NUP210: variants seen among roughly 807,000 people sequenced by gnomAD.
NUP210 encodes the protein nuclear pore membrane glycoprotein 210.
In NUP210, 151 loss-of-function variants were observed where a neutral mutation model predicts 196.0. The observed-to-expected ratio is 0.77, with a 90% CI of 0.67 to 0.88. The LOEUF is 0.88. Among genes scored for constraint, NUP210 ranks in the 40% least tolerant of loss-of-function variants. The pLI is 0.00. For synonymous variants in NUP210, 1,070 were observed against 1,052.7 expected (o/e 1.02, Z -0.32); for missense variants, 2,314 against 2,493.7 (o/e 0.93, Z 1.53).
At chr3:13,400,802 G>C (rs1487801438) in intron 1 of NUP210, among the ~76,000 whole-genome samples, 1 of 152,184 alleles carries the variant, frequency 6.6e-6, no homozygotes, top group Non-Finnish European at 1.5e-5. Context: ...ACTAAGCCGT[G>C]CCTGGCGCTT....
rs1326135230 is a variant in NUP210, at chr3:13,335,468, C to G, written c.3829G>C (p.Glu1277Gln). ...CTGCCTCCTACCTGGACTTGGATCTCATCCGAGAGTTCTCTGGCCAGGCCA... is the reference window on the plus strand; with the variant it reads ...CTGCCTCCTACCTGGACTTGGATCTGATCCGAGAGTTCTCTGGCCAGGCCA... ...LYGLARELSD[E>Q]IQVQVFEKLQ... Residue 1277 changes from glutamate (E) to glutamine (Q), a missense_variant, in exon 28 of 40, where the codon GAG (glutamate) becomes CAG (glutamine). By Grantham distance (29) the Glu-to-Gln change is conservative. Coordinates refer to ENST00000254508, the MANE Select transcript of NUP210 (RefSeq NM_024923.4). The G allele has an allele frequency of 1.9e-6, 3 of 1,613,414 alleles. No homozygotes were observed. The African/African-American group carries it at 4.0e-5, about 22-fold the overall frequency.
intron 13 of NUP210, 41 bp from the exon 14 acceptor site, chr3:13,366,132 T>A: frequency 1.9e-6 from 3 of 1,587,836 alleles, no homozygotes; most frequent in Non-Finnish European, 8.6e-7. Flanking sequence ...CTGAAATCAC[T>A]TTTTTCTTTT....
In NUP210 at chr3:13,397,395, G is replaced by A. The variant is rs756427105; in HGVS notation, c.398C>T (p.Ser133Phe). Residue 133 changes from serine (S) to phenylalanine (F), a missense_variant, in exon 3 of 40, where the codon TCC (serine) becomes TTC (phenylalanine). Ser to Phe is a radical substitution (Grantham distance 155). Coordinates refer to ENST00000254508, the MANE Select transcript of NUP210 (RefSeq NM_024923.4). ...GGCCTGGATCTTCAGCTCCAGGGGG[G>A]AGTCCTCCAGGTAGAGCTCGCGGGT... ...STTRELYLED[S>F]PLELKIQALD... is the part of the protein sequence containing the mutation. 8.7e-6 allele frequency: 14 copies of A among 1,612,136 alleles called. No individual in the cohort carries two copies. Among genetic ancestry groups the A allele is most frequent in the Non-Finnish European group, 1.2e-5 (14 of 1,179,324 alleles).
At chr3:13,403,102 C>T (rs867205203) in intron 1 of NUP210, among the ~76,000 whole-genome samples, 17 of 152,278 alleles carry the variant, frequency 1.1e-4, no homozygotes, top group Admixed American at 1.3e-4. Flanking sequence ...TAAGAAAATA[C>T]GTGATTTACC....
intron 12 of NUP210, among the ~76,000 whole-genome samples, chr3:13,372,937 C>T (rs528180479): frequency 5.2e-4 from 79 of 152,278 alleles, no homozygotes; most frequent in African/African-American, 1.8e-3. Flanking sequence ...TTTATCCCAA[C>T]GCTGGACCTC....
chr3:13,357,891 C>T (rs1418747183), intron 16 of NUP210, among the ~76,000 whole-genome samples: 1 of 152,174 alleles, frequency 6.6e-6, no homozygotes, highest in Non-Finnish European at 1.5e-5. Flanking sequence ...CATTTTAACA[C>T]CCTCAAGGCA....
At chr3:13,381,309 G>A (rs976772583) in intron 6 of NUP210, among the ~76,000 whole-genome samples, 22 of 152,192 alleles carry the variant, frequency 1.4e-4, no homozygotes, top group African/African-American at 5.3e-4. Context: ...ACATTGAAGG[G>A]GACTTACATA....
intron 1 of NUP210, among the ~76,000 whole-genome samples, chr3:13,404,526 A>T (rs956394302): frequency 6.6e-6 from 1 of 152,216 alleles, no homozygotes; most frequent in Non-Finnish European, 1.5e-5. Context: ...CTTCCCCCTA[A>T]TGTTAGTTGT....
At chr3:13,343,339 T>TGGGGGGGG in intron 20 of NUP210, 36 bp from the exon 21 acceptor site, 5 of 282,482 alleles carry the variant, frequency 1.8e-5, no homozygotes, top group African/African-American at 7.1e-5. Context: ...GGGTGGGTGG[T>TGGGGGGGG]GGGTTACGCA....
rs925952285 is a variant in NUP210 at position 13,371,890 on chromosome 3, G to T, written c.1730C>A (p.Ser577Tyr). Residue 577 changes from serine (S) to tyrosine (Y), a missense_variant, in exon 13 of 40, where the codon TCC becomes TAC. Physicochemically the swap from Ser to Tyr is moderately radical, Grantham distance 144. Transcript: ENST00000254508. ...CACCTCGACAGCCAAGTCAAAGTGG[G>T]AGCAGTCGCTCAAGGTGACCACCTC... ...ASEVVTLSDC[S>Y]HFDLAVEVEN... 8.7e-6 allele frequency: 14 copies of T among 1,610,464 alleles called. No individual in the cohort carries two copies. Among genetic ancestry groups the T allele is most frequent in the Admixed American group, 1.7e-5 (1 of 59,640 alleles).
chr3:13,334,629 C>T lies in NUP210; in HGVS notation c.3843+825G>A, dbSNP rs575349957. ...AAGGAACACTTTTTGTTTTTCTTTA[C>T]AGCTTAGGAGCACCCAGGGGTTACT... On this transcript the variant is annotated intron_variant, in intron 28 of 39. Coordinates refer to ENST00000254508, the MANE Select transcript of NUP210 (RefSeq NM_024923.4). 3.3e-4 allele frequency among the ~76,000 whole-genome samples: 50 copies of T among 152,288 alleles called. 1 individual carries two copies. The South Asian group carries it at 9.9e-3, about 30-fold the overall frequency.
At position 13,379,584 on chromosome 3, in the gene NUP210, T is replaced by C. The variant is rs755035705; in HGVS notation, c.955A>G (p.Ser319Gly). 1 of 1,614,170 alleles carries C rather than the reference T, an allele frequency of 6.2e-7. No individual in the cohort carries two copies. Among genetic ancestry groups the C allele is most frequent in the South Asian group, 1.1e-5 (1 of 91,086 alleles). ...MVTALQLGQS[S>G]LVLGHRSIRM... Reference sequence around the variant, plus strand: ...ATATTCCTGTGGCCAAGGACGAGGCTGCTCTGTCCCAGCTGCAGTGCAGTG... The same window carrying C: ...ATATTCCTGTGGCCAAGGACGAGGCCGCTCTGTCCCAGCTGCAGTGCAGTG... Residue 319 changes from serine (S) to glycine (G), a missense_variant, in exon 7 of 40, where the codon AGC (serine) becomes GGC (glycine). Ser to Gly is a moderately conservative substitution (Grantham distance 56). Coordinates refer to ENST00000254508, the MANE Select transcript of NUP210 (RefSeq NM_024923.4). The surrounding 1 kb of genome is among the most constrained non-coding windows in gnomAD (Gnocchi z 4.2).
At chr3:13,412,920 G>C (rs1173359462) in intron 1 of NUP210, among the ~76,000 whole-genome samples, 1 of 151,384 alleles carries the variant, frequency 6.6e-6, no homozygotes, top group Non-Finnish European at 1.5e-5. Flanking sequence ...GCAGTGAGCC[G>C]AGATCAGGCC....
At chr3:13,342,868 G>A (rs966115035) in intron 21 of NUP210, among the ~76,000 whole-genome samples, 14 of 152,192 alleles carry the variant, frequency 9.2e-5, no homozygotes, top group African/African-American at 2.7e-4. Context: ...CATGTGCCTC[G>A]TTGGTTAATA....
chr3:13,390,985 T>G (rs1699470440), intron 4 of NUP210, among the ~76,000 whole-genome samples: 1 of 152,210 alleles, frequency 6.6e-6, no homozygotes, highest in Admixed American at 6.5e-5. Context: ...CTCTGACAGC[T>G]TCTCACAGGA....
At chr3:13,320,973 G>A (rs942963596) in intron 36 of NUP210, among the ~76,000 whole-genome samples, 3 of 151,508 alleles carry the variant, frequency 2.0e-5, no homozygotes, top group Non-Finnish European at 2.9e-5. Context: ...CTCTGCTCAC[G>A]CCGCCAGCGG....
chr3:13,326,145 C>T (rs1364240265), intron 32 of NUP210, among the ~76,000 whole-genome samples: 1 of 152,266 alleles, frequency 6.6e-6, no homozygotes, highest in Admixed American at 6.5e-5. Context: ...TCCTACCCTG[C>T]TGCACCCGCC....
intron 3 of NUP210, among the ~76,000 whole-genome samples, chr3:13,393,819 G>C (rs1398516806): frequency 6.6e-6 from 1 of 152,172 alleles, no homozygotes; most frequent in Non-Finnish European, 1.5e-5. Context: ...AAGCCTCACA[G>C]CCAAGTTTAG....
chr3:13,365,739 G>C (rs2124900440), intron 14 of NUP210, among the ~76,000 whole-genome samples: 1 of 152,356 alleles, frequency 6.6e-6, no homozygotes, highest in South Asian at 2.1e-4. Context: ...TAACCACAGA[G>C]ATGCCCACAA....
Sources: allele counts gnomAD v4.1 joint callset (sites outside exome capture counted in the v4.1 genomes callset), GRCh38; gene constraint gnomAD v4.1.1; non-coding constraint Gnocchi (gnomAD v3.1); transcripts MANE v1.5; gene names NCBI Gene and HGNC (gene_info 2026-07-23, HGNC 2026-07-21).